Variants in SPTBN5 observed in about 807,000 individuals in gnomAD.
SPTBN5 encodes the protein spectrin beta, non-erythrocytic 5, also known as spectrin beta chain, non-erythrocytic 5.
In SPTBN5, 513 loss-of-function variants were observed where a neutral mutation model predicts 477.6. The ratio of observed to expected loss-of-function variants is 1.07; its 90% confidence interval spans 1.00 to 1.16. The LOEUF is 1.16. Among genes scored for constraint, SPTBN5 ranks in the 50% most tolerant of loss-of-function variants. The pLI is 0.00. For synonymous variants in SPTBN5, 2,169 were observed against 2,011.7 expected (o/e 1.08, Z -2.09); for missense variants, 5,062 against 4,731.8 (o/e 1.07, Z -2.05).
chr15:41,860,623 G>A lies in SPTBN5; in HGVS notation c.7951C>T (p.Gln2651Ter). 1 of 1,520,776 alleles carries A rather than the reference G, an allele frequency of 6.6e-7. No individual in the cohort carries two copies. The highest frequency in any genetic ancestry group is 8.8e-7 in the Non-Finnish European group (1 of 1,132,448). The allele number at this position is 1,520,776 out of a possible 1,614,324, so 94.2% of individuals were successfully genotyped here. A position where few individuals can be genotyped will look rare whatever the true frequency, so the allele number is the denominator to read the frequency against. ...GCCTGGCACCTGCCCAGGGCACTCT[G>A]GGCCTCGGGGTGCCCACCCTGGTGC... is the stretch of plus-strand genomic sequence containing the variant. ...GLHQGGHPEA[Q>*]SALGRCQAML... is the part of the protein sequence containing the mutation. The change falls in exon 47 of 68, where the codon CAG becomes TAG. Residue 2651 changes from glutamine to a stop codon, truncating the protein, a stop_gained. Coordinates refer to ENST00000320955, the MANE Select transcript of SPTBN5 (RefSeq NM_016642.4). LOFTEE classifies it high-confidence loss of function.
At chr15:41,859,261 C>A (rs1486313147) in intron 47 of SPTBN5, among the ~76,000 whole-genome samples, 4 of 152,190 alleles carry the variant, frequency 2.6e-5, no homozygotes, top group Non-Finnish European at 4.4e-5. Context: ...CGGGTTCAAG[C>A]AATTCTTCTG....
Position 41,867,094 on chromosome 15 carries a change from G to T in SPTBN5, c.6345C>A (p.Leu2115=). ...GCCGGTCCCGCACCCGGGGGCGCCG[G>T]AGCGTCTTCAGCCGCTCACGCAGGG... is the stretch of plus-strand genomic sequence containing the variant. ...EAALRERLKT[L]RRPRVRDRLP... The change falls in exon 36 of 68, where the codon CTC becomes CTA. Residue 2115 remains leucine (L), a synonymous_variant. Transcript: ENST00000320955. The T allele has an allele frequency of 6.5e-7, 1 of 1,542,938 alleles. No individual in the cohort carries two copies.
At chr15:41,871,708 C>A in intron 28 of SPTBN5, 74 bp downstream of exon 28, 1 of 1,437,352 alleles carries the variant, frequency 7.0e-7, no homozygotes. Context: ...CTTCCTCCGC[C>A]CCGCCAGAGC....
chr15:41,873,710 T>C, intron 25 of SPTBN5, 102 bp from the exon 26 acceptor site: 1 of 1,452,740 alleles, frequency 6.9e-7, no homozygotes, highest in South Asian at 1.2e-5. Flanking sequence ...GGGGCTTCTG[T>C]GCCCATAGGG....
In SPTBN5 at chr15:41,881,951, C is replaced by T. The variant is rs2066967710; in HGVS notation, c.2442G>A (p.Arg814=). 2 of 1,529,386 alleles carry T rather than the reference C, an allele frequency of 1.3e-6. No homozygotes were observed. Among genetic ancestry groups the T allele is most frequent in the Admixed American group, 2.0e-5 (1 of 50,978 alleles). The allele number at this position is 1,529,386 out of a possible 1,614,324, so 94.7% of individuals were successfully genotyped here. A position where few individuals can be genotyped will look rare whatever the true frequency, so the allele number is the denominator to read the frequency against. ...CCGTCCTCACCGTGAATAACGACGC[C>T]CGGGCCGAGGCCGCCCGCCCCTGCT... ...LEEQGRAASA[R]ASLFTVNSAL... Residue 814 remains arginine (R), a synonymous_variant, in exon 12 of 68, where the codon CGG becomes CGA. Coordinates refer to ENST00000320955, the MANE Select transcript of SPTBN5 (RefSeq NM_016642.4).
Position 41,855,347 on chromosome 15 carries a change from G to A in SPTBN5, c.9300C>T (p.Gly3100=). ...LLRRAEARGH[G]LQEQLQLHQL... is the part of the protein sequence containing the mutation. ...GGTGTAGCTGCAGCTGCTCCTGCAG[G>A]CCGTGCCCCCTGGCCTCCGCCCTCC... is the stretch of plus-strand genomic sequence containing the variant. The change falls in exon 55 of 68, where the codon GGC becomes GGT. Residue 3100 remains glycine, a synonymous_variant. Transcript: ENST00000320955. 1 of 1,606,744 alleles carries A rather than the reference G, an allele frequency of 6.2e-7. No homozygotes were observed. Among genetic ancestry groups the A allele is most frequent in the Admixed American group, 1.7e-5 (1 of 59,988 alleles).
At chr15:41,891,013 T>C (rs1223548615) in intron 3 of SPTBN5, among the ~76,000 whole-genome samples, 1 of 152,234 alleles carries the variant, frequency 6.6e-6, no homozygotes, top group Admixed American at 6.5e-5. Context: ...CTGAAAGTAT[T>C]CTCCCAGGTA....
At chr15:41,858,169 G>A (rs1040293681) in intron 49 of SPTBN5, among the ~76,000 whole-genome samples, 2 of 152,064 alleles carry the variant, frequency 1.3e-5, no homozygotes, top group Non-Finnish European at 2.9e-5. Flanking sequence ...GTAGTGGTGT[G>A]GGCCTGTGAT....
At chr15:41,871,325 C>G in intron 29 of SPTBN5, 50 bp downstream of exon 29, 1 of 1,369,444 alleles carries the variant, frequency 7.3e-7, no homozygotes, top group Non-Finnish European at 9.4e-7. Context: ...CCCTGCCTGC[C>G]CAGCTCCTTC....
intron 47 of SPTBN5, 43 bp downstream of exon 47, chr15:41,860,543 G>A (rs1031657219): frequency 7.4e-6 from 10 of 1,344,720 alleles, no homozygotes; most frequent in Non-Finnish European, 9.6e-6. Context: ...AGATGCCTGT[G>A]CCAGCCTGCC....
intron 16 of SPTBN5, 136 bp from the exon 17 acceptor site, chr15:41,878,765 G>C (rs2066837575): frequency 4.8e-6 from 5 of 1,033,846 alleles, no homozygotes; most frequent in Admixed American, 5.6e-5. Context: ...CTTGACCTGG[G>C]GGCAGCAAGA....
intron 61 of SPTBN5, 64 bp downstream of exon 61, chr15:41,852,570 A>G (rs2065800812): frequency 6.5e-7 from 1 of 1,535,552 alleles, no homozygotes; most frequent in East Asian, 2.2e-5. Flanking sequence ...GGAGACACTG[A>G]CTTGCAGGCT....
At chr15:41,874,800 A>C in intron 23 of SPTBN5, 42 bp downstream of exon 23, 1 of 1,566,386 alleles carries the variant, frequency 6.4e-7, no homozygotes, top group South Asian at 1.2e-5. Flanking sequence ...TTAAATTCAC[A>C]TGGAGGAGTG....
chr15:41,889,061 G>A (rs957964463), intron 4 of SPTBN5, among the ~76,000 whole-genome samples: 21 of 152,214 alleles, frequency 1.4e-4, no homozygotes, highest in Admixed American at 1.1e-3. Context: ...AGACAGAGAC[G>A]GTGCTGGTCA....
chr15:41,849,792 A>G, intron 67 of SPTBN5, 77 bp downstream of exon 67: 1 of 1,158,276 alleles, frequency 8.6e-7, no homozygotes, highest in Non-Finnish European at 1.3e-6. Context: ...CCAGAACCTC[A>G]GGCTTCAGAG....
Position 41,852,779 on chromosome 15 carries a change from G to A in SPTBN5, c.10348-44C>T, listed in dbSNP as rs550683278. On this transcript the variant is annotated intron_variant, in intron 60 of 67. Coordinates refer to ENST00000320955, the MANE Select transcript of SPTBN5 (RefSeq NM_016642.4). Reference sequence around the variant, plus strand: ...AGGTGACGCCCAGCTTGGGGGGGGGGGCCCAGAGCCTGGTAGCCAGCTAAG... The same window carrying A: ...AGGTGACGCCCAGCTTGGGGGGGGGAGCCCAGAGCCTGGTAGCCAGCTAAG... 100 of 1,603,672 alleles carry A rather than the reference G, an allele frequency of 6.2e-5. 1 individual carries two copies. The highest frequency in any genetic ancestry group is 1.8e-4 in the African/African-American group (13 of 73,172).
In SPTBN5 at chr15:41,876,660, G is replaced by C. The variant is rs777744789; in HGVS notation, c.3852-13C>G. On this transcript the variant is annotated splice_polypyrimidine_tract_variant and intron_variant, in intron 19 of 67. Coordinates refer to ENST00000320955, the MANE Select transcript of SPTBN5 (RefSeq NM_016642.4). ...CTGCTCTCTGACCCTGGAGGGCGGG[G>C]GGGGGTTGGAGGAGGGCATGGGAGA... is the stretch of plus-strand genomic sequence containing the variant. 6.2e-6 allele frequency: 9 copies of C among 1,453,766 alleles called. No homozygotes were observed. Among genetic ancestry groups the C allele is most frequent in the South Asian group, 1.2e-5 (1 of 85,612 alleles). 90.1% of individuals were successfully genotyped at this position (1,453,766 alleles called of 1,614,324 possible).
At position 41,883,396 on chromosome 15, in the gene SPTBN5, G is replaced by A. The variant is rs1418928534; in HGVS notation, c.1611C>T (p.Ser537=). The change falls in exon 8 of 68, where the codon AGC becomes AGT. Residue 537 remains serine, a synonymous_variant. Coordinates refer to ENST00000320955, the MANE Select transcript of SPTBN5 (RefSeq NM_016642.4). ...AGGCAGCCTCCACCTCCTGCAGCAG[G>A]CTCAGCACAGCCTGCATGTCTGCCA... ...KQVADMQAVL[S]LLQEVEAASH... 12 of 1,613,824 alleles carry A rather than the reference G, an allele frequency of 7.4e-6. No individual in the cohort carries two copies. The highest frequency in any genetic ancestry group is 1.0e-5 in the Non-Finnish European group (12 of 1,179,878).
rs2066935034 is a variant in SPTBN5, at chr15:41,881,110, T to C, written c.2582A>G (p.Asp861Gly). 1.9e-6 allele frequency: 3 copies of C among 1,613,144 alleles called. No homozygotes were observed. In the African/African-American group the frequency reaches 4.0e-5, roughly 22 times the overall value. Residue 861 changes from aspartate to glycine, a missense_variant, in exon 13 of 68, where the codon GAC becomes GGC. Physicochemically the swap from Asp to Gly is moderately conservative, Grantham distance 94 (BLOSUM62 -1). Coordinates refer to ENST00000320955, the MANE Select transcript of SPTBN5 (RefSeq NM_016642.4). ...CTGGAGTATAGTGTTGGGATCAAAG[T>C]CAGGGTCAGGCTCAGCTGGGAGGGC... ...KMALPAEPDP[D>G]FDPNTILQTQ... is the part of the protein sequence containing the mutation.
Sources: allele counts gnomAD v4.1 joint callset (sites outside exome capture counted in the v4.1 genomes callset), GRCh38; gene constraint gnomAD v4.1.1; transcripts MANE v1.5; gene names NCBI Gene and HGNC (gene_info 2026-07-23, HGNC 2026-07-21).